The following NECAB2 variants were observed in gnomAD, a reference collection of about 807,000 sequenced individuals.
NECAB2 encodes N-terminal EF-hand calcium-binding protein 2.
A neutral mutation model predicts 51.9 loss-of-function variants in NECAB2; 68 were observed. That is an observed-to-expected ratio of 1.31 (90% CI 1.08 to 1.60). The LOEUF is 1.60. NECAB2 is among the 40% of genes most tolerant of loss of function. The probability of loss-of-function intolerance (pLI) is 0.00; values close to 1 mark genes in which losing one functional copy is unlikely to be tolerated. For synonymous variants in NECAB2, 329 were observed against 203.5 expected (o/e 1.62, Z -5.25); for missense variants, 854 against 490.3 (o/e 1.74, Z -7.00).
upstream of NECAB2, chr16:83,965,490 A>G: frequency 6.2e-7 from 1 of 1,611,012 alleles, no homozygotes; most frequent in South Asian, 1.1e-5. Context: ...TACGCCCGCC[A>G]CTACAACATC....
intron 6 of NECAB2, among the ~76,000 whole-genome samples, chr16:83,991,598 A>C (rs906743397): frequency 6.8e-6 from 1 of 148,124 alleles, no homozygotes; most frequent in East Asian, 2.0e-4. Context: ...AGGGTGATCC[A>C]CCCGCCTCAG....
In NECAB2 at chr16:83,998,293, C is replaced by G. The variant is rs1293565257; in HGVS notation, c.938C>G (p.Thr313Ser). The change falls in exon 10 of 13, where the codon ACC becomes AGC. Residue 313 changes from threonine (T) to serine (S), a missense_variant. Thr to Ser is a moderately conservative substitution (Grantham distance 58). Transcript: ENST00000305202. ...LDSLRQYLRG[T>S]TGVRNCFHIT... ...TCTCTGCGCCAGTATCTGCGGGGGA[C>G]CACTGGCGTGAGGAACTGCTTCCAG... 1.9e-6 allele frequency: 3 copies of G among 1,613,450 alleles called. No individual in the cohort carries two copies. Among genetic ancestry groups the G allele is most frequent in the Non-Finnish European group, 2.5e-6 (3 of 1,179,996 alleles).
intron 5 of NECAB2, among the ~76,000 whole-genome samples, chr16:83,982,143 T>C (rs2084496667): frequency 1.3e-5 from 2 of 152,204 alleles, no homozygotes; most frequent in Admixed American, 6.5e-5. Context: ...TTTGTATCAA[T>C]ACGCTCCTAC....
chr16:83,979,840 T>C (rs1753744155), intron 3 of NECAB2, among the ~76,000 whole-genome samples: 1 of 152,128 alleles, frequency 6.6e-6, no homozygotes, highest in African/African-American at 2.4e-5. Context: ...TTACCTAAGG[T>C]GTGAGCCACG....
At chr16:83,976,034 G>A (rs902829138) in intron 2 of NECAB2, among the ~76,000 whole-genome samples, 3 of 152,142 alleles carry the variant, frequency 2.0e-5, no homozygotes, top group African/African-American at 7.2e-5. Context: ...TGCCGAGGGG[G>A]CACCTTGCTG....
At chr16:83,969,692 C>G (rs1353455524) in intron 1 of NECAB2, among the ~76,000 whole-genome samples, 1 of 149,704 alleles carries the variant, frequency 6.7e-6, no homozygotes, top group Admixed American at 6.6e-5. Context: ...GAGGACTTCT[C>G]CCAGCAGAGA....
At chr16:83,975,892 G>C (rs115213997) in intron 2 of NECAB2, among the ~76,000 whole-genome samples, 1 of 152,186 alleles carries the variant, frequency 6.6e-6, no homozygotes, top group East Asian at 1.9e-4. Context: ...TTGGACTGGG[G>C]GCCTACGTAG....
chr16:83,993,294 G>A (rs1443309196), intron 6 of NECAB2: 1 of 152,204 alleles, frequency 6.6e-6, no homozygotes, highest in Non-Finnish European at 1.5e-5. Context: ...GGTTTATAGA[G>A]AAGCCATGAT....
chr16:83,973,848 C>T (rs558903728), intron 2 of NECAB2, among the ~76,000 whole-genome samples: 50 of 152,048 alleles, frequency 3.3e-4, no homozygotes, highest in African/African-American at 1.1e-3. Context: ...GTGTGTCCAG[C>T]GTGGGCCTCT....
chr16:84,001,859 C>T lies in NECAB2; in HGVS notation c.1075C>T (p.His359Tyr). Residue 359 changes from histidine to tyrosine, a missense_variant, in exon 12 of 13, where the codon CAC becomes TAC. Physicochemically the swap from His to Tyr is moderately conservative, Grantham distance 83 (BLOSUM62 2). Transcript: ENST00000305202. The stretch of plus-strand genomic sequence containing the variant: ...GAGCCCCCTGTGTAAGGCGTTCCGG[C>T]ACGTCAAGGTGGACACACTGAGCCA... The part of the protein sequence containing the change: ...LQSPLCKAFR[H>Y]VKVDTLSQPE... 6.2e-7 allele frequency: 1 copy of T among 1,614,162 alleles called. No individual in the cohort carries two copies. Among genetic ancestry groups the T allele is most frequent in the Non-Finnish European group, 8.5e-7 (1 of 1,179,994 alleles).
chr16:83,965,432 CCT>C, upstream of NECAB2: 1 of 1,590,812 alleles, frequency 6.3e-7, no homozygotes, highest in East Asian at 2.2e-5. Flanking sequence ...GGCCTCAGAC[CCT>C]GTCCTCATCA....
In NECAB2 at chr16:84,001,812, C is replaced by G; in HGVS notation, c.1041-13C>G. 1 of 1,613,862 alleles carries G rather than the reference C, an allele frequency of 6.2e-7. No individual in the cohort carries two copies. The highest frequency in any genetic ancestry group is 8.5e-7 in the Non-Finnish European group (1 of 1,179,784). ...CCTGCCACCCCTGACTCACACATGT[C>G]CCTGCGTCACAGGCACCTGCAGAGC... On this transcript the variant is annotated splice_polypyrimidine_tract_variant and intron_variant, in intron 11 of 12. Coordinates refer to ENST00000305202, the MANE Select transcript of NECAB2 (RefSeq NM_019065.3).
intron 10 of NECAB2, among the ~76,000 whole-genome samples, chr16:83,998,749 GGA>G (rs1172815075): frequency 2.6e-5 from 4 of 152,318 alleles, no homozygotes; most frequent in African/African-American, 9.6e-5. Flanking sequence ...CACTGAGGAA[GGA>G]GAGGAGAGTC....
chr16:84,002,663 C>T lies in NECAB2; in HGVS notation c.*317C>T, dbSNP rs1333939221. On this transcript the variant is annotated 3_prime_UTR_variant, in exon 13 of 13. Coordinates refer to ENST00000305202, the MANE Select transcript of NECAB2 (RefSeq NM_019065.3). ...ACGCATGACCCACACTGACCACACCCTGCCCTCTTCGGTGACATTCTTCTA... is the reference window on the plus strand; with the variant it reads ...ACGCATGACCCACACTGACCACACCTTGCCCTCTTCGGTGACATTCTTCTA... 4 of 450,460 alleles carry T rather than the reference C, an allele frequency of 8.9e-6. No individual in the cohort carries two copies. Among genetic ancestry groups the T allele is most frequent in the African/African-American group, 2.0e-5 (1 of 50,368 alleles). The allele number at this position is 450,460 out of a possible 1,614,324, so 27.9% of individuals were successfully genotyped here.
rs138651354 is a variant in NECAB2, at chr16:83,997,259, G to T, written c.839G>T (p.Gly280Val). The T allele has an allele frequency of 4.3e-6, 7 of 1,614,064 alleles. No individual in the cohort carries two copies. The African/African-American group carries it at 9.3e-5, about 22-fold the overall frequency. ...DLQQRLSDED[G>V]TNMHLQLVRQ... Reference sequence around the variant, plus strand: ...CAGCAGCGCCTGTCAGATGAAGATGGCACCAACATGGTGAGGCCCCTTCCC... The same window carrying T: ...CAGCAGCGCCTGTCAGATGAAGATGTCACCAACATGGTGAGGCCCCTTCCC... The change falls in exon 9 of 13, where the codon GGC becomes GTC. Residue 280 changes from glycine to valine, a missense_variant. Physicochemically the swap from Gly to Val is moderately radical, Grantham distance 109. Transcript: ENST00000305202.
chr16:83,966,720 GAC>G (rs1295250381), upstream of NECAB2, among the ~76,000 whole-genome samples: 4 of 152,284 alleles, frequency 2.6e-5, no homozygotes, highest in African/African-American at 9.6e-5. Context: ...CCCAGCCCAG[GAC>G]AGTTTCCCGC....
chr16:83,978,469 A>G lies in NECAB2; in HGVS notation c.252A>G (p.Glu84=). Residue 84 remains glutamate (E), a synonymous_variant, in exon 3 of 13, where the codon GAA becomes GAG. Coordinates refer to ENST00000305202, the MANE Select transcript of NECAB2 (RefSeq NM_019065.3). The part of the protein sequence containing the change: ...KNDDGKLSLE[E]FQLFFADGVL... ...ATGATGGGAAGCTGTCCTTGGAGGA[A>G]TTCCAGCTCTTCTTTGCAGATGGCG... 6.2e-7 allele frequency: 1 copy of G among 1,613,996 alleles called. No individual in the cohort carries two copies. The highest frequency in any genetic ancestry group is 8.5e-7 in the Non-Finnish European group (1 of 1,179,954).
rs544548174 is a variant in NECAB2 at position 84,002,027 on chromosome 16, T to G, written c.1132+111T>G. 4.1e-6 allele frequency: 5 copies of G among 1,227,600 alleles called. No homozygotes were observed. In the East Asian group the frequency reaches 1.0e-4, roughly 25 times the overall value. 76.0% of individuals were successfully genotyped at this position (1,227,600 alleles called of 1,614,324 possible). A position where few individuals can be genotyped will look rare whatever the true frequency, so the allele number is the denominator to read the frequency against. ...ACTTGCCTGCTTGCTGTGGGCCCAC[T>G]GTCAGCTCCTGCCACCAATGCCAGG... On this transcript the variant is annotated intron_variant, in intron 12 of 12. Coordinates refer to ENST00000305202, the MANE Select transcript of NECAB2 (RefSeq NM_019065.3).
upstream of NECAB2, among the ~76,000 whole-genome samples, chr16:83,966,643 C>T (rs929693836): frequency 6.6e-6 from 1 of 152,204 alleles, no homozygotes; most frequent in Non-Finnish European, 1.5e-5. Flanking sequence ...TTCTGCCATG[C>T]GGCCTCCTTT....
Sources: allele counts gnomAD v4.1 joint callset (sites outside exome capture counted in the v4.1 genomes callset), GRCh38; gene constraint gnomAD v4.1.1; transcripts MANE v1.5; gene names NCBI Gene and HGNC (gene_info 2026-07-23, HGNC 2026-07-21).